TENM3: variants seen among roughly 807,000 people sequenced by gnomAD.
TENM3 encodes the protein teneurin transmembrane protein 3.
In TENM3, 63 loss-of-function variants were observed where a neutral mutation model predicts 255.1. The observed-to-expected ratio is 0.25, with a 90% CI of 0.20 to 0.30. The LOEUF (loss-of-function observed/expected upper bound fraction) is 0.30. Ranked by LOEUF, TENM3 falls within the 10% of genes least tolerant of loss-of-function variation. The pLI is 1.00. For synonymous variants in TENM3, 1,306 were observed against 1,322.3 expected (o/e 0.99, Z 0.27); for missense variants, 2,929 against 3,461.1 (o/e 0.85, Z 3.86).
At chr4:182,417,518 A>G (rs1231500780) in intron 3 of TENM3, among the ~76,000 whole-genome samples, 1 of 152,064 alleles carries the variant, frequency 6.6e-6, no homozygotes, top group East Asian at 1.9e-4. Flanking sequence ...GTAGTTTGCT[A>G]ACATCAACTT....
the TENM3 span, among the ~76,000 whole-genome samples, chr4:181,515,606 G>A: frequency 6.6e-6 from 1 of 152,164 alleles, no homozygotes; most frequent in East Asian, 1.9e-4. Context: ...TGGCTTGAGA[G>A]TTCGAATTGT....
At chr4:181,491,528 G>T in the TENM3 span, among the ~76,000 whole-genome samples, 1 of 151,792 alleles carries the variant, frequency 6.6e-6, no homozygotes, top group Non-Finnish European at 1.5e-5. Context: ...CAACTATATT[G>T]TATATAAATA....
intron 2 of TENM3, among the ~76,000 whole-genome samples, chr4:182,334,237 T>C (rs1203265036): frequency 2.6e-5 from 4 of 152,192 alleles, no homozygotes; most frequent in African/African-American, 9.7e-5. Flanking sequence ...AAGCATGCTA[T>C]GTGACCTAAT....
intron 3 of TENM3, among the ~76,000 whole-genome samples, chr4:182,442,221 T>G (rs1772543931): frequency 6.6e-6 from 1 of 152,218 alleles, no homozygotes; most frequent in Non-Finnish European, 1.5e-5. Flanking sequence ...AAAAACACAT[T>G]CTATATGACT....
At chr4:181,468,171 G>A in the TENM3 span, among the ~76,000 whole-genome samples, 1 of 150,326 alleles carries the variant, frequency 6.7e-6, no homozygotes, top group Non-Finnish European at 1.5e-5. Context: ...GCATGCCTGC[G>A]GTTCCAGCTA....
At chr4:182,771,668 A>G (rs1242066816) in intron 22 of TENM3, among the ~76,000 whole-genome samples, 2 of 152,214 alleles carry the variant, frequency 1.3e-5, no homozygotes, top group African/African-American at 2.4e-5. Context: ...GGTTTTGTCA[A>G]TAATTCTGTA....
intron 22 of TENM3, among the ~76,000 whole-genome samples, chr4:182,766,086 C>A (rs936671238): frequency 6.6e-6 from 1 of 152,172 alleles, no homozygotes; most frequent in Admixed American, 6.5e-5. Context: ...CTGGCACAGC[C>A]CTCCTTGTCC....
intron 5 of TENM3, among the ~76,000 whole-genome samples, chr4:182,639,856 C>G (rs1752146801): frequency 6.6e-6 from 1 of 152,096 alleles, no homozygotes; most frequent in Non-Finnish European, 1.5e-5. Flanking sequence ...TTTTGGGAGC[C>G]TGAGGCGGGC....
the TENM3 span, among the ~76,000 whole-genome samples, chr4:182,029,005 G>A: frequency 0.027 from 4,157 of 152,110 alleles, 190 homozygotes; most frequent in African/African-American, 0.094. Context: ...CGATTTTCAC[G>A]TTGCTGAATA....
At chr4:182,105,641 A>G in the TENM3 span, among the ~76,000 whole-genome samples, 1 of 152,234 alleles carries the variant, frequency 6.6e-6, no homozygotes, top group African/African-American at 2.4e-5. Context: ...GTTAGAGCAC[A>G]TCAGTCTCCC....
chr4:181,783,748 C>T, the TENM3 span, among the ~76,000 whole-genome samples: 7 of 152,146 alleles, frequency 4.6e-5, no homozygotes, highest in Admixed American at 2.6e-4. Flanking sequence ...GGCGAGAGTG[C>T]AGTGGCACAG....
At position 182,615,502 on chromosome 4, in the gene TENM3, C is replaced by T. The variant is rs188704353; in HGVS notation, c.750-13149C>T. Among the ~76,000 whole-genome samples, 153 of 152,074 alleles carry T rather than the reference C, an allele frequency of 1.0e-3. 1 individual carries two copies. The highest frequency in any genetic ancestry group is 3.4e-3 in the Middle Eastern group (1 of 294). On this transcript the variant is annotated intron_variant, in intron 4 of 27. Coordinates refer to ENST00000511685, the MANE Select transcript of TENM3 (RefSeq NM_001080477.4). The stretch of plus-strand genomic sequence containing the variant: ...AGGTACTTGTGAAATAAGGTGAGTG[C>T]TGATGAGTGGTTTTAAAGCAAATGG...
the TENM3 span, among the ~76,000 whole-genome samples, chr4:181,836,872 A>T: frequency 6.6e-6 from 1 of 152,188 alleles, no homozygotes; most frequent in Non-Finnish European, 1.5e-5. Context: ...GATACCTTTA[A>T]AATACTGAGT....
rs146748739 is a variant in TENM3 at position 182,579,056 on chromosome 4, C to T, written c.512-21868C>T. ...CTCAGGAATGGAAGTCCCATCTCCT[C>T]AATTAGGGAATAAGCCCCTTTAGGC... On this transcript the variant is annotated intron_variant, in intron 3 of 27. Transcript: ENST00000511685. 2.7e-3 allele frequency among the ~76,000 whole-genome samples: 412 copies of T among 152,276 alleles called. 1 individual carries two copies. Among genetic ancestry groups the T allele is most frequent in the African/African-American group, 9.1e-3 (379 of 41,556 alleles).
the TENM3 span, among the ~76,000 whole-genome samples, chr4:181,622,274 C>T: frequency 6.6e-6 from 1 of 152,188 alleles, no homozygotes. Context: ...TTTCCTCTCA[C>T]CCTTGCAGCT....
intron 3 of TENM3, among the ~76,000 whole-genome samples, chr4:182,403,484 A>AT (rs1769341521): frequency 6.6e-6 from 1 of 152,232 alleles, no homozygotes; most frequent in Non-Finnish European, 1.5e-5. Flanking sequence ...GTCTCAAAGA[A>AT]TTTTAGACAG....
At chr4:182,279,710 T>A (rs1760248997) in intron 1 of TENM3, among the ~76,000 whole-genome samples, 1 of 152,232 alleles carries the variant, frequency 6.6e-6, no homozygotes. Context: ...CTGTCGTTCA[T>A]GGAGTATGCT....
the TENM3 span, among the ~76,000 whole-genome samples, chr4:181,903,167 G>A: frequency 6.6e-6 from 1 of 151,742 alleles, no homozygotes; most frequent in Non-Finnish European, 1.5e-5. Context: ...CTCTCTTAAG[G>A]AAGCATCTAT....
At chr4:182,439,823 G>A (rs1772323973) in intron 3 of TENM3, among the ~76,000 whole-genome samples, 3 of 152,128 alleles carry the variant, frequency 2.0e-5, no homozygotes, top group Admixed American at 6.6e-5. Flanking sequence ...ACCATTCCCT[G>A]TCCCAATTCT....
Sources: gnomAD v4.1 joint callset for allele counts (sites outside exome capture counted in the v4.1 genomes callset) on GRCh38, gnomAD v4.1.1 for gene constraint, MANE v1.5 for transcripts, NCBI Gene and HGNC (gene_info 2026-07-23, HGNC 2026-07-21) for gene names.